The following SOX5 variants were observed in gnomAD, a reference collection of about 807,000 sequenced individuals.
The protein encoded by SOX5 is transcription factor SOX-5.
In SOX5, 9 loss-of-function variants were observed where a neutral mutation model predicts 92.0. The observed-to-expected ratio is 0.10, with a 90% confidence interval of 0.06 to 0.17. The LOEUF (loss-of-function observed/expected upper bound fraction) is 0.17, where lower values mean the gene tolerates loss of function less well. SOX5 is among the 10% of genes least tolerant of loss of function. SOX5 has a pLI of 1.00. For missense variants in SOX5, 642 were observed against 944.5 expected (o/e 0.68, Z 4.20); for synonymous variants, 344 against 336.3 (o/e 1.02, Z -0.25).
chr12:24,116,758 T>C (rs764058705), intron 4 of SOX5, among the ~76,000 whole-genome samples: 25 of 152,296 alleles, frequency 1.6e-4, no homozygotes, highest in South Asian at 8.3e-4. Flanking sequence ...ATAGGGCTTA[T>C]GGATGTAGTA....
chr12:24,107,191 T>C (rs1946788497), intron 4 of SOX5, among the ~76,000 whole-genome samples: 1 of 152,206 alleles, frequency 6.6e-6, no homozygotes, highest in South Asian at 2.1e-4. Flanking sequence ...TTATGCCTCA[T>C]GACAACAAGC....
At position 23,734,666 on chromosome 12, in the gene SOX5, G is replaced by A; in HGVS notation, c.810+18C>T. 6.3e-7 allele frequency: 1 copy of A among 1,577,834 alleles called. No homozygotes were observed. The highest frequency in any genetic ancestry group is 1.1e-5 in the South Asian group (1 of 89,454). ...ATATTTTTTAAATTGTAAGTATATTGAAATTATGATTTCTGACCTGGATCT... is the reference window on the plus strand; with the variant it reads ...ATATTTTTTAAATTGTAAGTATATTAAAATTATGATTTCTGACCTGGATCT... On this transcript the variant is annotated intron_variant, in intron 6 of 14. Coordinates refer to ENST00000451604, the MANE Select transcript of SOX5 (RefSeq NM_006940.6).
chr12:23,564,373 C>T (rs529940128), intron 10 of SOX5, among the ~76,000 whole-genome samples: 7 of 152,096 alleles, frequency 4.6e-5, no homozygotes, highest in Non-Finnish European at 8.8e-5. Flanking sequence ...TTCTCTCTCC[C>T]TATCTTTTAA....
intron 1 of SOX5, among the ~76,000 whole-genome samples, chr12:24,413,793 T>C (rs1276760650): frequency 6.6e-6 from 1 of 152,214 alleles, no homozygotes; most frequent in Non-Finnish European, 1.5e-5. Flanking sequence ...AGCATGTTGT[T>C]TTTCATCGTG....
intron 1 of SOX5, among the ~76,000 whole-genome samples, chr12:24,381,324 A>T (rs1957804227): frequency 6.6e-6 from 1 of 152,234 alleles, no homozygotes; most frequent in African/African-American, 2.4e-5. Context: ...AGATTTTAGA[A>T]TGTTTCTTTC....
At chr12:24,413,951 A>G (rs1392085694) in intron 1 of SOX5, among the ~76,000 whole-genome samples, 2 of 152,176 alleles carry the variant, frequency 1.3e-5, no homozygotes, top group East Asian at 3.8e-4. Flanking sequence ...CAATTCCCAA[A>G]ATATTTTCTA....
At chr12:23,709,886 A>G (rs916853192) in intron 6 of SOX5, among the ~76,000 whole-genome samples, 1 of 152,200 alleles carries the variant, frequency 6.6e-6, no homozygotes, top group South Asian at 2.1e-4. Flanking sequence ...ATTACAGCAT[A>G]TTAATTCTAG....
At chr12:23,691,158 G>C (rs556593531) in intron 6 of SOX5, among the ~76,000 whole-genome samples, 40 of 152,296 alleles carry the variant, frequency 2.6e-4, no homozygotes, top group African/African-American at 9.4e-4. Context: ...CAGGCCAAAG[G>C]CAAGGAGGCC....
intron 2 of SOX5, among the ~76,000 whole-genome samples, chr12:23,886,141 CT>C (rs371905164): frequency 3.9e-5 from 6 of 152,014 alleles, no homozygotes; most frequent in African/African-American, 1.4e-4. Context: ...GTAAGATTTT[CT>C]TTACTATTGA....
At chr12:24,196,849 G>A (rs757934309) in intron 4 of SOX5, among the ~76,000 whole-genome samples, 5 of 152,148 alleles carry the variant, frequency 3.3e-5, no homozygotes, top group Non-Finnish European at 7.3e-5. Flanking sequence ...GTTGCAGTGA[G>A]TCGAGATCAT....
chr12:24,114,432 C>T (rs1947738605), intron 4 of SOX5, among the ~76,000 whole-genome samples: 1 of 151,254 alleles, frequency 6.6e-6, no homozygotes, highest in African/African-American at 2.4e-5. Flanking sequence ...CAAAAATTAG[C>T]TGAGTGTGAT....
intron 11 of SOX5, among the ~76,000 whole-genome samples, chr12:23,551,008 C>T (rs1944097124): frequency 6.6e-6 from 1 of 151,930 alleles, no homozygotes; most frequent in Middle Eastern, 3.2e-3. Context: ...CGCTCTCCAC[C>T]AGACACACAT....
intron 3 of SOX5, among the ~76,000 whole-genome samples, chr12:24,253,959 G>A (rs917633335): frequency 2.0e-5 from 3 of 152,070 alleles, no homozygotes; most frequent in African/African-American, 7.2e-5. Flanking sequence ...GTAGATGATG[G>A]TAATAGTAAG....
chr12:24,435,416 C>T (rs555989229), intron 1 of SOX5, among the ~76,000 whole-genome samples: 3 of 152,226 alleles, frequency 2.0e-5, no homozygotes, highest in African/African-American at 7.2e-5. Context: ...CTATCATTCA[C>T]AATAAAAGAT....
At chr12:24,320,019 T>C (rs1294653758) in intron 2 of SOX5, among the ~76,000 whole-genome samples, 1 of 152,222 alleles carries the variant, frequency 6.6e-6, no homozygotes, top group Non-Finnish European at 1.5e-5. Flanking sequence ...TTTATATTTC[T>C]ACTAGACTGC....
intron 8 of SOX5, among the ~76,000 whole-genome samples, chr12:23,607,498 A>T (rs971982005): frequency 6.6e-6 from 1 of 151,936 alleles, no homozygotes; most frequent in African/African-American, 2.4e-5. Flanking sequence ...ACTTATTTTA[A>T]TTCACACTTT....
intron 1 of SOX5, among the ~76,000 whole-genome samples, chr12:24,523,432 T>C (rs191157057): frequency 6.6e-6 from 1 of 152,186 alleles, no homozygotes; most frequent in African/African-American, 2.4e-5. Context: ...AATGGCCAAA[T>C]CAATTGTGAG....
intron 6 of SOX5, among the ~76,000 whole-genome samples, chr12:23,730,570 A>G (rs2093352931): frequency 6.6e-6 from 1 of 152,252 alleles, no homozygotes; most frequent in East Asian, 1.9e-4. Context: ...AACCTGGCAG[A>G]AGACTGTAAC....
At chr12:24,143,046 G>A (rs144691415) in intron 4 of SOX5, among the ~76,000 whole-genome samples, 89 of 151,956 alleles carry the variant, frequency 5.9e-4, no homozygotes, top group Admixed American at 1.8e-3. Context: ...GACCAGCTAT[G>A]CTGGAAAAAC....
Sources: gnomAD v4.1 joint callset for allele counts (sites outside exome capture counted in the v4.1 genomes callset) on GRCh38, gnomAD v4.1.1 for gene constraint, MANE v1.5 for transcripts, NCBI Gene and HGNC (gene_info 2026-07-23, HGNC 2026-07-21) for gene names.